FER1L5: variants seen among roughly 807,000 people sequenced by gnomAD.
The protein encoded by FER1L5 is fer-1-like protein 5.
A neutral mutation model predicts 279.9 loss-of-function variants in FER1L5; 187 were observed. The ratio of observed to expected loss-of-function variants is 0.67; its 90% CI spans 0.59 to 0.75. FER1L5 has a LOEUF of 0.75. Ranked by LOEUF, FER1L5 falls within the 30% of genes least tolerant of loss-of-function variation. The pLI is 0.00. For synonymous variants in FER1L5, 921 were observed against 989.7 expected (o/e 0.93, Z 1.30); for missense variants, 2,091 against 2,594.4 (o/e 0.81, Z 4.21).
chr2:96,698,818 G>T lies in FER1L5; in HGVS notation c.4504G>T (p.Asp1502Tyr). ...ACGAGCCATCAACCTGCAGCCCCAG[G>T]ACTACAATGGCCTGGTAAAGAACAG... ...MVRAINLQPQ[D>Y]YNGLCDPYVI... The change falls in exon 41 of 53, where the codon GAC (aspartate) becomes TAC (tyrosine). Residue 1502 changes from aspartate (D) to tyrosine (Y), a missense_variant. By Grantham distance (160) the Asp-to-Tyr change is radical. Coordinates refer to ENST00000624922, the MANE Select transcript of FER1L5 (RefSeq NM_001293083.2). The surrounding 1 kb of genome is among the most constrained non-coding windows in gnomAD (Gnocchi z 5.5). 1 of 1,562,418 alleles carries T rather than the reference G, an allele frequency of 6.4e-7. No homozygotes were observed. Among genetic ancestry groups the T allele is most frequent in the East Asian group, 2.4e-5 (1 of 41,426 alleles).
Position 96,694,259 on chromosome 2 carries a change from G to C in FER1L5, c.3637-101G>C. On this transcript the variant is annotated intron_variant, in intron 33 of 52. Coordinates refer to ENST00000624922, the MANE Select transcript of FER1L5 (RefSeq NM_001293083.2). The surrounding 1 kb of genome is among the most constrained non-coding windows in gnomAD (Gnocchi z 4.6). ...AGTCCCCCTGCCAGCCCCTACCCAT[G>C]GGGCTCTGGGCTCGGTGAGGCCTCT... The C allele has an allele frequency of 7.5e-7, 1 of 1,330,854 alleles. No homozygotes were observed. The highest frequency in any genetic ancestry group is 1.0e-6 in the Non-Finnish European group (1 of 992,374). 82.4% of individuals were successfully genotyped at this position (1,330,854 alleles called of 1,614,324 possible).
intron 1 of FER1L5, among the ~76,000 whole-genome samples, chr2:96,645,833 CAAA>C (rs1298394289): frequency 1.3e-5 from 2 of 151,404 alleles, no homozygotes; most frequent in Non-Finnish European, 3.0e-5. Context: ...AAAAGAGAAA[CAAA>C]GAAAGAAAAT....
intron 19 of FER1L5, among the ~76,000 whole-genome samples, chr2:96,678,617 G>C (rs62156202): frequency 0.01 from 1,569 of 149,954 alleles, 10 homozygotes; most frequent in Non-Finnish European, 0.016. Flanking sequence ...ATTTTTAGTA[G>C]AGACGGAGTT....
chr2:96,704,283 G>A lies in FER1L5; in HGVS notation c.5870G>A (p.Arg1957His), dbSNP rs763759424. 1.0e-4 allele frequency: 165 copies of A among 1,613,882 alleles called. No homozygotes were observed. Among genetic ancestry groups the A allele is most frequent in the Middle Eastern group, 8.2e-4 (5 of 6,084 alleles). Residue 1957 changes from arginine to histidine, a missense_variant, in exon 52 of 53, where the codon CGC becomes CAC. Physicochemically the swap from Arg to His is conservative, Grantham distance 29. Coordinates refer to ENST00000624922, the MANE Select transcript of FER1L5 (RefSeq NM_001293083.2). Reference protein sequence around the residue: ...VQNFCYIFWKRYRFKLIAFMV... With the variant: ...VQNFCYIFWKHYRFKLIAFMV... ...AACTTCTGCTATATTTTCTGGAAAC[G>A]CTATCGCTTCAAACTCATAGCCTTT...
At chr2:96,661,240 C>G in intron 10 of FER1L5, 85 bp from the exon 11 acceptor site, 1 of 927,280 alleles carries the variant, frequency 1.1e-6, no homozygotes, top group South Asian at 1.9e-5. Flanking sequence ...TTTCCACCTT[C>G]CCCTCCTGCT....
intron 8 of FER1L5, 77 bp downstream of exon 8, chr2:96,653,779 C>A: frequency 1.7e-6 from 2 of 1,153,780 alleles, no homozygotes; most frequent in Non-Finnish European, 2.5e-6. Flanking sequence ...CAGCTCCAGC[C>A]CCCACCCTTA....
intron 31 of FER1L5, 93 bp from the exon 32 acceptor site, chr2:96,693,413 G>A (rs1260298076): frequency 7.5e-7 from 1 of 1,328,554 alleles, no homozygotes. Flanking sequence ...GACCCTCCTG[G>A]GCCCCACTGG....
Position 96,670,236 on chromosome 2 carries a change from A to G in FER1L5, c.1480A>G (p.Thr494Ala). 3 of 1,551,522 alleles carry G rather than the reference A, an allele frequency of 1.9e-6. No individual in the cohort carries two copies. The highest frequency in any genetic ancestry group is 2.6e-6 in the Non-Finnish European group (3 of 1,146,884). The change falls in exon 18 of 53, where the codon ACC becomes GCC. Residue 494 changes from threonine to alanine, a missense_variant. By Grantham distance (58) the Thr-to-Ala change is moderately conservative. Transcript: ENST00000624922. Reference sequence around the variant, plus strand: ...GATAAAGGATCTCTCCCATGAAGTGACCAGGATAGAGGTAACTGCGGGAAA... The same window carrying G: ...GATAAAGGATCTCTCCCATGAAGTGGCCAGGATAGAGGTAACTGCGGGAAA... ...STIKDLSHEV[T>A]RIEKHQNRQK... is the part of the protein sequence containing the mutation.
rs1417715693 is a variant in FER1L5 at position 96,695,914 on chromosome 2, T to C, written c.4057+10T>C. ...CACCCAAAGCTTCCAAGTACGGCCC[T>C]TCCTCCGTGCCTTTCCCCAGGCCTC... On this transcript the variant is annotated intron_variant, in intron 36 of 52. Coordinates refer to ENST00000624922, the MANE Select transcript of FER1L5 (RefSeq NM_001293083.2). 3 of 1,612,788 alleles carry C rather than the reference T, an allele frequency of 1.9e-6. No individual in the cohort carries two copies. The highest frequency in any genetic ancestry group is 2.5e-6 in the Non-Finnish European group (3 of 1,179,550).
Position 96,698,049 on chromosome 2 carries a change from G to A in FER1L5, c.4249G>A (p.Glu1417Lys). The change falls in exon 40 of 53, where the codon GAG (glutamate) becomes AAG (lysine). Residue 1417 changes from glutamate (E) to lysine (K), a missense_variant. Transcript: ENST00000624922. This position sits in a 1 kb window ranked among gnomAD's most constrained non-coding sequence, Gnocchi z 5.5. ...DYHTLKVYEC[E>K]LEAVPAFQGL... Reference sequence around the variant, plus strand: ...CACACCTCTGCAGGTGTATGAGTGTGAGCTGGAGGCCGTGCCAGCCTTCCA... The same window carrying A: ...CACACCTCTGCAGGTGTATGAGTGTAAGCTGGAGGCCGTGCCAGCCTTCCA... 4 of 1,575,338 alleles carry A rather than the reference G, an allele frequency of 2.5e-6. No individual in the cohort carries two copies. The South Asian group carries it at 4.7e-5, about 18-fold the overall frequency.
intron 24 of FER1L5, 34 bp downstream of exon 24, chr2:96,687,981 G>A: frequency 6.5e-7 from 1 of 1,548,918 alleles, no homozygotes; most frequent in Non-Finnish European, 8.7e-7. Context: ...GGCCAGGGCA[G>A]GCACGCGGGG....
intron 19 of FER1L5, among the ~76,000 whole-genome samples, chr2:96,677,647 C>T (rs1204236880): frequency 6.6e-6 from 1 of 151,020 alleles, no homozygotes; most frequent in Non-Finnish European, 1.5e-5. Context: ...GGGTGGATCA[C>T]CTGAGGTCGG....
chr2:96,698,982 T>A lies in FER1L5; in HGVS notation c.4519-63T>A. The A allele has an allele frequency of 2.0e-6, 3 of 1,512,828 alleles. No homozygotes were observed. Among genetic ancestry groups the A allele is most frequent in the East Asian group, 2.4e-5 (1 of 41,022 alleles). The allele number at this position is 1,512,828 out of a possible 1,614,324, so 93.7% of individuals were successfully genotyped here. A position where few individuals can be genotyped will look rare whatever the true frequency, so the allele number is the denominator to read the frequency against. On this transcript the variant is annotated intron_variant, in intron 41 of 52. Coordinates refer to ENST00000624922, the MANE Select transcript of FER1L5 (RefSeq NM_001293083.2). This position sits in a 1 kb window ranked among gnomAD's most constrained non-coding sequence, Gnocchi z 5.5. ...GCTTGTTTCCACCCTCCTCCCACCC[T>A]CCCTGACAAACCTGGACGGCCTCCC...
chr2:96,704,442 G>C (rs770743010), intron 52 of FER1L5, 26 bp from the exon 53 acceptor site: 31 of 1,613,242 alleles, frequency 1.9e-5, no homozygotes, highest in Non-Finnish European at 2.6e-5. Flanking sequence ...TGCCACCCCA[G>C]GCTAACTGTT....
chr2:96,654,560 CTCCA>C (rs2075517928), intron 9 of FER1L5, 64 bp downstream of exon 9: 1 of 398,360 alleles, frequency 2.5e-6, no homozygotes, highest in Non-Finnish European at 4.4e-6. Flanking sequence ...CCATGCTGGG[CTCCA>C]TGCCCAAGTC....
In FER1L5 at chr2:96,704,312, G is replaced by T. The variant is rs1197816313; in HGVS notation, c.5899G>T (p.Val1967Phe). The change falls in exon 52 of 53, where the codon GTC (valine) becomes TTC (phenylalanine). Residue 1967 changes from valine to phenylalanine, a missense_variant. By Grantham distance (50) the Val-to-Phe change is conservative (BLOSUM62 -1). Coordinates refer to ENST00000624922, the MANE Select transcript of FER1L5 (RefSeq NM_001293083.2). ...RYRFKLIAFM[V>F]ISIIALMLFN... Reference sequence around the variant, plus strand: ...TCGCTTCAAACTCATAGCCTTTATGGTCATATCGATTATAGCACTTATGCT... The same window carrying T: ...TCGCTTCAAACTCATAGCCTTTATGTTCATATCGATTATAGCACTTATGCT... 1.2e-6 allele frequency: 2 copies of T among 1,613,794 alleles called. No individual in the cohort carries two copies. Among genetic ancestry groups the T allele is most frequent in the South Asian group, 1.1e-5 (1 of 91,078 alleles).
In FER1L5 at chr2:96,651,878, T is replaced by A; in HGVS notation, c.505-14T>A. ...AGGCCCTCAATATCAGCTCCCCATG[T>A]GTTCCGCCCTTAGGTTCGAGTGAAG... On this transcript the variant is annotated splice_polypyrimidine_tract_variant and intron_variant, in intron 6 of 52. Coordinates refer to ENST00000624922, the MANE Select transcript of FER1L5 (RefSeq NM_001293083.2). The A allele has an allele frequency of 6.4e-7, 1 of 1,552,108 alleles. No homozygotes were observed. The highest frequency in any genetic ancestry group is 8.7e-7 in the Non-Finnish European group (1 of 1,147,048).
intron 30 of FER1L5, 69 bp downstream of exon 30, chr2:96,692,032 C>T: frequency 6.7e-7 from 1 of 1,499,704 alleles, no homozygotes; most frequent in Non-Finnish European, 9.0e-7. Context: ...GGGGGGGGGA[C>T]AGGGTGGGGG....
chr2:96,691,710 C>T lies in FER1L5; in HGVS notation c.3075+98C>T. On this transcript the variant is annotated intron_variant, in intron 29 of 52. Transcript: ENST00000624922. The surrounding 1 kb of genome is among the most constrained non-coding windows in gnomAD (Gnocchi z 6.0). Reference sequence around the variant, plus strand: ...GGGGCGCTGACTGCGGAGGAAGGGCCTCTGTTCCTCAGGCTTGCGAGGGTG... The same window carrying T: ...GGGGCGCTGACTGCGGAGGAAGGGCTTCTGTTCCTCAGGCTTGCGAGGGTG... The T allele has an allele frequency of 6.5e-7, 1 of 1,546,544 alleles. No homozygotes were observed. Among genetic ancestry groups the T allele is most frequent in the Non-Finnish European group, 8.7e-7 (1 of 1,144,280 alleles).
Sources: gnomAD v4.1 joint callset for allele counts (sites outside exome capture counted in the v4.1 genomes callset) on GRCh38, gnomAD v4.1.1 for gene constraint, Gnocchi (gnomAD v3.1) non-coding constraint, MANE v1.5 for transcripts, NCBI Gene and HGNC (gene_info 2026-07-23, HGNC 2026-07-21) for gene names.